The following DDX60 variants were observed in gnomAD, a reference collection of about 807,000 sequenced individuals.
DDX60 encodes the protein probable ATP-dependent RNA helicase DDX60.
Under a neutral mutation model 212.8 loss-of-function variants are expected in DDX60, and 165 were observed. That is an observed-to-expected ratio of 0.78 (90% CI 0.68 to 0.88). The LOEUF (loss-of-function observed/expected upper bound fraction) is 0.88. Ranked by LOEUF, DDX60 falls within the 40% of genes least tolerant of loss-of-function variation. The pLI, the probability that DDX60 is intolerant of heterozygous loss-of-function variation, is 0.00. For missense variants in DDX60, 1,905 were observed against 2,003.9 expected, an observed-to-expected ratio of 0.95 and a Z score of 0.94; for synonymous variants, 703 against 685.3, an observed-to-expected ratio of 1.03 and a Z score of -0.40.
At chr4:168,291,553 G>T (rs375070464) in intron 8 of DDX60, among the ~76,000 whole-genome samples, 195 bp downstream of exon 8, 1 of 152,184 alleles carries the variant, frequency 6.6e-6, no homozygotes, top group African/African-American at 2.4e-5. Context: ...CCTTAGGTTA[G>T]ATATATATCA....
chr4:168,260,519 T>G (rs1002870139), intron 25 of DDX60, among the ~76,000 whole-genome samples: 5 of 152,082 alleles, frequency 3.3e-5, no homozygotes, highest in Non-Finnish European at 7.4e-5. Context: ...GAAGACAACT[T>G]GGCAGTGGGT....
rs1351541438 is a variant in DDX60, at chr4:168,246,359, C to A, written c.4164+59G>T. ...TACAGACTTCTAAAAGAACAGCAGA[C>A]CTGACTAAAGTCAGGCCAGTGATGA... is the stretch of plus-strand genomic sequence containing the variant. On this transcript the variant is annotated intron_variant, in intron 30 of 37. Coordinates refer to ENST00000393743, the MANE Select transcript of DDX60 (RefSeq NM_017631.6). 1.9e-6 allele frequency: 3 copies of A among 1,604,166 alleles called. No homozygotes were observed. The African/African-American group carries it at 4.0e-5, about 21-fold the overall frequency.
chr4:168,275,202 T>C (rs1002150444), intron 16 of DDX60, 143 bp downstream of exon 16: 4 of 791,080 alleles, frequency 5.1e-6, no homozygotes, highest in South Asian at 3.0e-5. Flanking sequence ...GAAAAAATAG[T>C]CCACATTTGA....
At chr4:168,221,944 T>C (rs1733066943) in intron 35 of DDX60, 63 bp from the exon 36 acceptor site, 2 of 1,499,508 alleles carry the variant, frequency 1.3e-6, no homozygotes, top group Non-Finnish European at 1.8e-6. Flanking sequence ...TAATTTCTTA[T>C]GTGGTGCTTT....
chr4:168,268,643 G>C (rs1049525833), intron 20 of DDX60, among the ~76,000 whole-genome samples: 2 of 152,064 alleles, frequency 1.3e-5, no homozygotes, highest in African/African-American at 4.8e-5. Context: ...CTCAATTGTA[G>C]ATCTAGGTGG....
Position 168,216,925 on chromosome 4 carries a change from C to T in DDX60, c.*8G>A. 1 of 1,575,798 alleles carries T rather than the reference C, an allele frequency of 6.3e-7. No individual in the cohort carries two copies. Among genetic ancestry groups the T allele is most frequent in the Non-Finnish European group, 8.6e-7 (1 of 1,158,886 alleles). On this transcript the variant is annotated 3_prime_UTR_variant, in exon 38 of 38. Coordinates refer to ENST00000393743, the MANE Select transcript of DDX60 (RefSeq NM_017631.6). ...ATTATTTTTAAGTGGTTTGCATAGACTTTGTTTTTAGACTTTGTTTAACTT... is the reference window on the plus strand; with the variant it reads ...ATTATTTTTAAGTGGTTTGCATAGATTTTGTTTTTAGACTTTGTTTAACTT...
At chr4:168,312,200 A>T (rs1325507235) in intron 1 of DDX60, among the ~76,000 whole-genome samples, 1 of 152,142 alleles carries the variant, frequency 6.6e-6, no homozygotes, top group East Asian at 1.9e-4. Context: ...AGGATGGATG[A>T]CTAGGCCATT....
chr4:168,223,493 TACTG>T (rs1240445036), intron 35 of DDX60, among the ~76,000 whole-genome samples: 76 of 152,100 alleles, frequency 5.0e-4, no homozygotes, highest in East Asian at 2.7e-3. Context: ...GTTCTTAACT[TACTG>T]ACTATGGGTA....
chr4:168,297,314 GAAAGAAA>G (rs1736406199), intron 6 of DDX60, among the ~76,000 whole-genome samples: 1 of 33,018 alleles, frequency 3.0e-5, no homozygotes, highest in Non-Finnish European at 4.9e-5. Flanking sequence ...AAGAAAGAAA[GAAAGAAA>G]GAAAGAAAGA....
intron 37 of DDX60, chr4:168,220,432 G>GAA (rs1733012507): frequency 1.1e-5 from 4 of 359,078 alleles, no homozygotes; most frequent in Non-Finnish European, 2.0e-5. Context: ...TAGTCTGGAT[G>GAA]AAACTTCATC....
chr4:168,306,947 C>T (rs886588663), intron 4 of DDX60, among the ~76,000 whole-genome samples: 4 of 152,188 alleles, frequency 2.6e-5, no homozygotes, highest in East Asian at 1.9e-4. Context: ...GCACTTAATA[C>T]TTGGAGCTTA....
chr4:168,286,423 GAGATAGATAGATAGAT>G lies in DDX60; in HGVS notation c.1339+609_1339+624del, dbSNP rs71977398. Among the ~76,000 whole-genome samples, 7 of 136,828 alleles carry G rather than the reference GAGATAGATAGATAGAT, an allele frequency of 5.1e-5. No homozygotes were observed. In the East Asian group the frequency reaches 7.6e-4, roughly 15 times the overall value. 89.8% of individuals were successfully genotyped at this position (136,828 alleles called of 152,430 possible). A position where few individuals can be genotyped will look rare whatever the true frequency, so the allele number is the denominator to read the frequency against. ...ACACACACACACACACACACCACAC[GAGATAGATAGATAGAT>G]AGATAGATAGATAGATATTACATAT... is the stretch of plus-strand genomic sequence containing the variant. On this transcript the variant is annotated intron_variant, in intron 10 of 37. Transcript: ENST00000393743.
intron 30 of DDX60, among the ~76,000 whole-genome samples, chr4:168,239,002 T>G (rs1323774177): frequency 6.6e-6 from 1 of 152,100 alleles, no homozygotes; most frequent in East Asian, 1.9e-4. Context: ...ATTTCATACA[T>G]CCTATTGCTT....
chr4:168,245,560 G>A (rs1733992328), intron 30 of DDX60, among the ~76,000 whole-genome samples: 1 of 152,124 alleles, frequency 6.6e-6, no homozygotes, highest in Non-Finnish European at 1.5e-5. Flanking sequence ...ACTCAAGAAT[G>A]GGGAAATTTT....
At chr4:168,250,392 T>C (rs1382342990) in intron 28 of DDX60, among the ~76,000 whole-genome samples, 1 of 151,844 alleles carries the variant, frequency 6.6e-6, no homozygotes, top group East Asian at 1.9e-4. Context: ...AAATACAAAA[T>C]TAGCTGGGCA....
intron 3 of DDX60, among the ~76,000 whole-genome samples, chr4:168,309,910 G>C (rs1417157161): frequency 6.6e-6 from 1 of 152,126 alleles, no homozygotes; most frequent in Non-Finnish European, 1.5e-5. Flanking sequence ...CTACTGTATT[G>C]TGTAAAGGCT....
At chr4:168,299,552 T>A (rs1331267779) in intron 6 of DDX60, among the ~76,000 whole-genome samples, 2 of 151,578 alleles carry the variant, frequency 1.3e-5, no homozygotes, top group East Asian at 3.9e-4. Context: ...GACAAACCAC[T>A]AGCTAACCTG....
intron 30 of DDX60, among the ~76,000 whole-genome samples, chr4:168,241,108 T>G (rs1733821160): frequency 6.6e-6 from 1 of 152,240 alleles, no homozygotes; most frequent in Non-Finnish European, 1.5e-5. Context: ...CTTTGCCTGC[T>G]GCCATCCATT....
upstream of DDX60, among the ~76,000 whole-genome samples, chr4:168,320,388 G>T (rs1314017518): frequency 2.0e-5 from 3 of 152,114 alleles, no homozygotes; most frequent in Admixed American, 6.5e-5. Flanking sequence ...TACACAGATG[G>T]CGTTGAAGAC....
Sources: gnomAD v4.1 joint callset for allele counts (sites outside exome capture counted in the v4.1 genomes callset) on GRCh38, gnomAD v4.1.1 for gene constraint, MANE v1.5 for transcripts, NCBI Gene and HGNC (gene_info 2026-07-23, HGNC 2026-07-21) for gene names.